Variants in CHKA observed in about 807,000 individuals in gnomAD.
CHKA encodes the protein choline kinase alpha.
CHKA carries 34 observed loss-of-function variants against 60.1 expected under a neutral mutation model. That is an observed-to-expected ratio of 0.57 (90% CI 0.43 to 0.75). The LOEUF is 0.75. Ranked by LOEUF, CHKA falls within the 30% of genes least tolerant of loss-of-function variation. The pLI, the probability that CHKA is intolerant of heterozygous loss-of-function variation, is 0.00. For synonymous variants in CHKA, 217 were observed against 223.1 expected (o/e 0.97, Z 0.24); for missense variants, 563 against 561.3 (o/e 1.00, Z -0.03).
chr11:68,080,403 A>C (rs1365532331), intron 3 of CHKA, among the ~76,000 whole-genome samples: 2 of 151,746 alleles, frequency 1.3e-5, no homozygotes, highest in African/African-American at 4.8e-5. Context: ...GCTGGAGTGC[A>C]GTGGCACAAT....
At chr11:68,081,325 C>T in intron 3 of CHKA, 79 bp downstream of exon 3, 1 of 1,179,426 alleles carries the variant, frequency 8.5e-7, no homozygotes, top group Non-Finnish European at 1.3e-6. Flanking sequence ...ATAAGAGGCA[C>T]TGCCAAGCCC....
chr11:68,074,285 A>G (rs1434297116), intron 4 of CHKA, among the ~76,000 whole-genome samples: 1 of 152,122 alleles, frequency 6.6e-6, no homozygotes, highest in Admixed American at 6.5e-5. Flanking sequence ...AGGTAGGGAG[A>G]CTCAGTAGGA....
intron 4 of CHKA, among the ~76,000 whole-genome samples, chr11:68,072,001 C>G (rs1310896171): frequency 1.8e-4 from 27 of 152,210 alleles, no homozygotes; most frequent in Admixed American, 1.8e-3. Context: ...CCTCCACTTC[C>G]AGCAGCAGGA....
chr11:68,098,573 G>A (rs112023508), intron 1 of CHKA, among the ~76,000 whole-genome samples: 2 of 152,128 alleles, frequency 1.3e-5, no homozygotes, highest in Non-Finnish European at 2.9e-5. Context: ...TTCTGGAGAC[G>A]GATGGTGGTG....
chr11:68,071,577 T>A (rs112503634), intron 4 of CHKA, among the ~76,000 whole-genome samples: 5 of 152,340 alleles, frequency 3.3e-5, no homozygotes, highest in African/African-American at 1.2e-4. Flanking sequence ...CCTGCCACCC[T>A]GCAGAAATCT....
chr11:68,063,324 C>T (rs1446746107), intron 10 of CHKA, among the ~76,000 whole-genome samples: 1 of 151,946 alleles, frequency 6.6e-6, no homozygotes, highest in Non-Finnish European at 1.5e-5. Flanking sequence ...CAGAGCAAGA[C>T]CTCGTGTCTA....
At chr11:68,107,516 C>T (rs967590005) in intron 1 of CHKA, among the ~76,000 whole-genome samples, 1 of 151,974 alleles carries the variant, frequency 6.6e-6, no homozygotes, top group Non-Finnish European at 1.5e-5. Flanking sequence ...AAATCTTCCT[C>T]GTTTCCAATG....
intron 3 of CHKA, among the ~76,000 whole-genome samples, chr11:68,075,936 G>A (rs1300710887): frequency 1.3e-5 from 2 of 152,198 alleles, no homozygotes; most frequent in Non-Finnish European, 2.9e-5. Context: ...TGATCCCAGA[G>A]AAACCTCTAA....
At chr11:68,086,847 G>A (rs144647113) in intron 2 of CHKA, among the ~76,000 whole-genome samples, 3,276 of 152,270 alleles carry the variant, frequency 0.022, 116 homozygotes, top group African/African-American at 0.07. Context: ...ATTGCCTGGC[G>A]CGGTGGCGGG....
At chr11:68,077,658 C>A (rs974625168) in intron 3 of CHKA, among the ~76,000 whole-genome samples, 2 of 152,196 alleles carry the variant, frequency 1.3e-5, no homozygotes, top group Non-Finnish European at 2.9e-5. Context: ...CCCCTGCCCA[C>A]AACGGGGCTT....
chr11:68,102,749 G>C (rs1414162243), intron 1 of CHKA, among the ~76,000 whole-genome samples: 1 of 152,074 alleles, frequency 6.6e-6, no homozygotes, highest in East Asian at 1.9e-4. Context: ...GGAAACAAGA[G>C]TGAAGAAACA....
At chr11:68,070,913 G>A in intron 4 of CHKA, 56 bp from the exon 5 acceptor site, 1 of 1,548,660 alleles carries the variant, frequency 6.5e-7, no homozygotes, top group African/African-American at 1.4e-5. Flanking sequence ...TAAAAAGAGT[G>A]AGATCACACA....
chr11:68,109,543 C>T (rs191931173), intron 1 of CHKA, among the ~76,000 whole-genome samples: 4 of 152,316 alleles, frequency 2.6e-5, no homozygotes, highest in Admixed American at 2.6e-4. Context: ...TCTGGCCATT[C>T]TGTCCCACCT....
intron 1 of CHKA, among the ~76,000 whole-genome samples, chr11:68,105,892 G>A (rs1164680474): frequency 1.3e-5 from 2 of 152,128 alleles, no homozygotes; most frequent in Non-Finnish European, 2.9e-5. Flanking sequence ...GGACCTAGGA[G>A]AAAATAGAGC....
At chr11:68,084,408 A>ATATG (rs1857108538) in intron 2 of CHKA, among the ~76,000 whole-genome samples, 2 of 90,416 alleles carry the variant, frequency 2.2e-5, no homozygotes, top group African/African-American at 8.1e-5. Context: ...ATACGTATAT[A>ATATG]TGTGTATATA....
intron 10 of CHKA, 53 bp from the exon 11 acceptor site, chr11:68,062,087 G>T (rs1353994284): frequency 5.0e-6 from 6 of 1,207,828 alleles, no homozygotes; most frequent in Admixed American, 4.6e-5. Flanking sequence ...TCAGTTACAG[G>T]ACTGATGAAA....
chr11:68,097,305 G>GC (rs1250690400), intron 1 of CHKA, among the ~76,000 whole-genome samples, 175 bp from the exon 2 acceptor site: 1 of 152,146 alleles, frequency 6.6e-6, no homozygotes, highest in Non-Finnish European at 1.5e-5. Context: ...TTCCCTTTCT[G>GC]TTTTTCTGCA....
At chr11:68,066,959 G>A (rs1431491940) in intron 7 of CHKA, among the ~76,000 whole-genome samples, 1 of 152,134 alleles carries the variant, frequency 6.6e-6, no homozygotes, top group East Asian at 1.9e-4. Context: ...GTGCCCTCCT[G>A]GTAAGAAAGG....
In CHKA at chr11:68,070,309, CAAA is replaced by C. The variant is rs35240421; in HGVS notation, c.765-19_765-17del. 1 of 1,509,892 alleles carries C rather than the reference CAAA, an allele frequency of 6.6e-7. No individual in the cohort carries two copies. The highest frequency in any genetic ancestry group is 9.2e-7 in the Non-Finnish European group (1 of 1,089,492). 93.5% of individuals were successfully genotyped at this position (1,509,892 alleles called of 1,614,324 possible). A position where few individuals can be genotyped will look rare whatever the true frequency, so the allele number is the denominator to read the frequency against. On this transcript the variant is annotated splice_polypyrimidine_tract_variant and intron_variant, in intron 5 of 11. Transcript: ENST00000265689. ...CTTTAGATACCTATTAAAAAATTTT[CAAA>C]AAAGAACAGAACAAAGAATCACCGA...
Sources: allele counts gnomAD v4.1 joint callset (sites outside exome capture counted in the v4.1 genomes callset), GRCh38; gene constraint gnomAD v4.1.1; transcripts MANE v1.5; gene names NCBI Gene and HGNC (gene_info 2026-07-23, HGNC 2026-07-21).